The following PDE4D variants were observed in gnomAD, a reference collection of about 807,000 sequenced individuals.
PDE4D encodes phosphodiesterase 4D.
Under a neutral mutation model 87.4 loss-of-function variants are expected in PDE4D, and 24 were observed. The observed-to-expected ratio is 0.27, with a 90% CI of 0.20 to 0.39. The LOEUF is 0.39. Among genes scored for constraint, PDE4D ranks in the 10% least tolerant of loss-of-function variants. The pLI is 1.00. For missense variants in PDE4D, 714 were observed against 1,041.0 expected, an observed-to-expected ratio of 0.69 and a Z score of 4.32; for synonymous variants, 384 against 383.2, an observed-to-expected ratio of 1.00 and a Z score of -0.02.
At chr5:59,846,181 T>C (rs1743819079) in intron 1 of PDE4D, among the ~76,000 whole-genome samples, 1 of 152,042 alleles carries the variant, frequency 6.6e-6, no homozygotes, top group Admixed American at 6.6e-5. Context: ...AACTGCCTGT[T>C]TATTTACCTT....
intron 1 of PDE4D, among the ~76,000 whole-genome samples, chr5:60,315,261 T>A (rs1755453154): frequency 6.6e-6 from 1 of 152,214 alleles, no homozygotes; most frequent in African/African-American, 2.4e-5. Flanking sequence ...TTTTCATGTG[T>A]CTTTTGGCTG....
intron 2 of PDE4D, among the ~76,000 whole-genome samples, chr5:60,140,987 C>T (rs770464295): frequency 3.3e-5 from 5 of 152,118 alleles, no homozygotes; most frequent in East Asian, 1.9e-4. Flanking sequence ...AAGCCCCTTG[C>T]GGGATTAGAA....
intron 1 of PDE4D, among the ~76,000 whole-genome samples, chr5:59,765,233 T>G (rs1325925020): frequency 1.3e-5 from 2 of 152,186 alleles, no homozygotes; most frequent in Admixed American, 1.3e-4. Flanking sequence ...TTCTACTGTT[T>G]AGAAGCAAGG....
chr5:60,209,963 T>C (rs2149570090), intron 1 of PDE4D, among the ~76,000 whole-genome samples: 1 of 152,300 alleles, frequency 6.6e-6, no homozygotes, highest in East Asian at 1.9e-4. Flanking sequence ...TTTCTATTTA[T>C]GCAGCTATAA....
At chr5:60,376,044 C>T (rs931586379) in intron 1 of PDE4D, among the ~76,000 whole-genome samples, 3 of 152,092 alleles carry the variant, frequency 2.0e-5, no homozygotes, top group African/African-American at 2.4e-5. Context: ...TCTAAACATA[C>T]GTATATATAT....
intron 1 of PDE4D, chr5:59,586,576 A>T (rs1273188030): frequency 2.2e-6 from 3 of 1,378,330 alleles, no homozygotes; most frequent in Non-Finnish European, 2.8e-6. Flanking sequence ...CCAGGATTTG[A>T]AAAAAGAAAC....
chr5:59,456,090 C>T (rs958528952), intron 1 of PDE4D, among the ~76,000 whole-genome samples: 8 of 152,112 alleles, frequency 5.3e-5, no homozygotes, highest in Non-Finnish European at 7.4e-5. Context: ...TGAGTTAAGA[C>T]TTTGGGAGAC....
intron 1 of PDE4D, among the ~76,000 whole-genome samples, chr5:59,428,858 C>T (rs6884572): frequency 0.02 from 3,080 of 152,070 alleles, 97 homozygotes; most frequent in African/African-American, 0.068. Context: ...ATTTACTAGC[C>T]ATAGGTAAGT....
At chr5:59,492,912 C>T (rs1355402950) in intron 1 of PDE4D, among the ~76,000 whole-genome samples, 4 of 152,126 alleles carry the variant, frequency 2.6e-5, no homozygotes, top group Admixed American at 6.6e-5. Flanking sequence ...CCATATAAGA[C>T]GCGACTTGCT....
intron 1 of PDE4D, among the ~76,000 whole-genome samples, chr5:60,351,966 C>T (rs1009104577): frequency 1.1e-4 from 17 of 149,210 alleles, no homozygotes; most frequent in African/African-American, 2.9e-4. Flanking sequence ...CCACCACACC[C>T]GGCTTTTTTT....
rs1180138889 is a variant in PDE4D, at chr5:60,473,107, A to G, written c.-90+14835T>C. Among the ~76,000 whole-genome samples, 113 of 90,388 alleles carry G rather than the reference A, an allele frequency of 1.3e-3. 1 individual carries two copies. The highest frequency in any genetic ancestry group is 6.1e-3 in the African/African-American group (108 of 17,608). The allele number at this position is 90,388 out of a possible 152,430, so 59.3% of individuals were successfully genotyped here. On this transcript the variant is annotated intron_variant, in intron 1 of 16. Coordinates refer to the PDE4D transcript ENST00000502484. ...GAGAGAGAGATGAAAGAAAGAAAGA[A>G]AGAGAGAGAGAGAAAGAAAGGAAGG...
chr5:59,067,280 G>A (rs982602869), intron 5 of PDE4D, among the ~76,000 whole-genome samples: 1 of 151,980 alleles, frequency 6.6e-6, no homozygotes, highest in African/African-American at 2.4e-5. Context: ...GCCTCCCAAA[G>A]TGCTGGGATT....
At chr5:59,200,234 T>G (rs1346229592) in intron 2 of PDE4D, among the ~76,000 whole-genome samples, 1 of 143,882 alleles carries the variant, frequency 7.0e-6, no homozygotes, top group African/African-American at 2.7e-5. Flanking sequence ...TACATACATA[T>G]GTGTATGTAC....
At position 59,086,939 on chromosome 5, in the gene PDE4D, C is replaced by T. The variant is rs546176489; in HGVS notation, c.809-47968G>A. On this transcript the variant is annotated intron_variant, in intron 5 of 14. Transcript: ENST00000340635. ...TGGTTTTCCTGGTACCTGTCTTTCC[C>T]CTGCCTACTCCAATTCTACCTCCAC... is the stretch of plus-strand genomic sequence containing the variant. Among the ~76,000 whole-genome samples, 6 of 152,176 alleles carry T rather than the reference C, an allele frequency of 3.9e-5. No homozygotes were observed. The East Asian group carries it at 1.2e-3, about 29-fold the overall frequency.
intron 1 of PDE4D, among the ~76,000 whole-genome samples, chr5:59,771,390 A>G (rs1298299003): frequency 6.7e-6 from 1 of 150,178 alleles, no homozygotes; most frequent in Non-Finnish European, 1.5e-5. Flanking sequence ...TATGGGCGAC[A>G]GAGCGAGACT....
intron 1 of PDE4D, among the ~76,000 whole-genome samples, chr5:59,520,106 C>G (rs2153672675): frequency 6.6e-6 from 1 of 152,058 alleles, no homozygotes; most frequent in South Asian, 2.1e-4. Flanking sequence ...ACTCATAATA[C>G]AAAAAAATTA....
intron 1 of PDE4D, among the ~76,000 whole-genome samples, chr5:59,263,659 G>A (rs930034303): frequency 1.3e-5 from 2 of 151,902 alleles, no homozygotes; most frequent in African/African-American, 2.4e-5. Context: ...AACCATATCC[G>A]CATCAACAAG....
intron 1 of PDE4D, among the ~76,000 whole-genome samples, chr5:60,208,148 T>C (rs766349891): frequency 3.3e-5 from 5 of 152,184 alleles, no homozygotes; most frequent in Non-Finnish European, 5.9e-5. Context: ...AATAAGTAAA[T>C]ATAAGTAAAA....
intron 1 of PDE4D, among the ~76,000 whole-genome samples, chr5:59,238,746 C>T (rs1757024650): frequency 6.6e-6 from 1 of 152,188 alleles, no homozygotes; most frequent in Admixed American, 6.5e-5. Flanking sequence ...AAAAGTCAAA[C>T]TGTAATAACA....
Sources: gnomAD v4.1 joint callset for allele counts (sites outside exome capture counted in the v4.1 genomes callset) on GRCh38, gnomAD v4.1.1 for gene constraint, MANE v1.5 for transcripts, NCBI Gene and HGNC (gene_info 2026-07-23, HGNC 2026-07-21) for gene names.